PNPLA7: variants seen among roughly 807,000 people sequenced by gnomAD.
The protein encoded by PNPLA7 is patatin-like phospholipase domain-containing protein 7.
In PNPLA7, 153 loss-of-function variants were observed where a neutral mutation model predicts 161.7. That is an observed-to-expected ratio of 0.95 (90% CI 0.83 to 1.08). The LOEUF (loss-of-function observed/expected upper bound fraction) is 1.08. Ranked by LOEUF, PNPLA7 falls within the 50% of genes least tolerant of loss-of-function variation. PNPLA7 has a pLI of 0.00. For synonymous variants in PNPLA7, 809 were observed against 782.1 expected (o/e 1.03, Z -0.57); for missense variants, 1,739 against 1,856.6 (o/e 0.94, Z 1.16).
chr9:137,524,419 A>G lies in PNPLA7; in HGVS notation c.748-1562T>C, dbSNP rs1423594821. ...GCTGGCTGCCTCATGGAGGCCTTGC[A>G]GTGTCTCCTCGTGAAGGCCTCGCAG... On this transcript the variant is annotated intron_variant, in intron 8 of 34. Coordinates refer to ENST00000406427, the MANE Select transcript of PNPLA7 (RefSeq NM_001098537.3). The surrounding 1 kb of genome is among the most constrained non-coding windows in gnomAD (Gnocchi z 4.4). 6.6e-6 allele frequency among the ~76,000 whole-genome samples: 1 copy of G among 151,294 alleles called. No individual in the cohort carries two copies. The highest frequency in any genetic ancestry group is 1.5e-5 in the Non-Finnish European group (1 of 67,804).
intron 8 of PNPLA7, among the ~76,000 whole-genome samples, chr9:137,525,410 A>T (rs1337068179): frequency 2.6e-5 from 4 of 152,196 alleles, no homozygotes; most frequent in East Asian, 1.9e-4. Context: ...GCCTGGCTGC[A>T]CTGTTATTTA....
chr9:137,485,604 C>A (rs950793381), intron 20 of PNPLA7, among the ~76,000 whole-genome samples: 1 of 152,278 alleles, frequency 6.6e-6, no homozygotes, highest in Admixed American at 6.5e-5. Context: ...ACGGGCTAGA[C>A]ATCAATAGGC....
At chr9:137,508,673 G>A (rs1173139016) in intron 12 of PNPLA7, 4 of 151,984 alleles carry the variant, frequency 2.6e-5, no homozygotes, top group East Asian at 1.9e-4. Context: ...AAGGTAAAAC[G>A]TTAAATCTTA....
rs751406746 is a variant in PNPLA7, at chr9:137,480,514, G to A, written c.2412-34C>T. ...CGCAGAGGGAGTACCTCACTACTCCGCAGGGGCCTGGCACTCTTAGCACAT... is the reference window on the plus strand; with the variant it reads ...CGCAGAGGGAGTACCTCACTACTCCACAGGGGCCTGGCACTCTTAGCACAT... On this transcript the variant is annotated intron_variant, in intron 22 of 34. Transcript: ENST00000406427. 9 of 1,576,906 alleles carry A rather than the reference G, an allele frequency of 5.7e-6. No homozygotes were observed. In the South Asian group the frequency reaches 8.0e-5, roughly 14 times the overall value.
At position 137,484,632 on chromosome 9, in the gene PNPLA7, G is replaced by A. The variant is rs1182431287; in HGVS notation, c.2302C>T (p.Leu768Phe). 3 of 1,612,364 alleles carry A rather than the reference G, an allele frequency of 1.9e-6. No homozygotes were observed. In the African/African-American group the frequency reaches 4.0e-5, roughly 22 times the overall value. ...TCCAGCTCCAGGGCGAAGGCGGTGA[G>A]GGGCACTTCCTCTGACACGGGCATC... ...AVMPVSEEVP[L>F]TAFALELEHA... The change falls in exon 21 of 35, where the codon CTC becomes TTC. Residue 768 changes from leucine (L) to phenylalanine (F), a missense_variant. Leu to Phe is a conservative substitution (Grantham distance 22). Coordinates refer to ENST00000406427, the MANE Select transcript of PNPLA7 (RefSeq NM_001098537.3).
At chr9:137,513,817 T>C (rs1375869648) in intron 12 of PNPLA7, among the ~76,000 whole-genome samples, 1 of 152,048 alleles carries the variant, frequency 6.6e-6, no homozygotes, top group Non-Finnish European at 1.5e-5. Flanking sequence ...ACATAAAGAA[T>C]CAACACAAAT....
At chr9:137,464,038 C>T (rs372410045) in intron 28 of PNPLA7, 88 bp downstream of exon 28, 30 of 1,411,688 alleles carry the variant, frequency 2.1e-5, no homozygotes, top group South Asian at 1.6e-4. Flanking sequence ...GGAGACCCCG[C>T]GGCCTTCCCA....
chr9:137,482,932 G>T (rs1171010219), intron 21 of PNPLA7, among the ~76,000 whole-genome samples: 3 of 152,220 alleles, frequency 2.0e-5, no homozygotes, highest in Non-Finnish European at 4.4e-5. Context: ...GAGTGCAGTG[G>T]CACCATCTCA....
rs1361512164 is a variant in PNPLA7 at position 137,480,944 on chromosome 9, G to C, written c.2411+16C>G. 3 of 1,551,084 alleles carry C rather than the reference G, an allele frequency of 1.9e-6. No homozygotes were observed. Among genetic ancestry groups the C allele is most frequent in the Non-Finnish European group, 2.6e-6 (3 of 1,146,824 alleles). On this transcript the variant is annotated intron_variant, in intron 22 of 34. Transcript: ENST00000406427. Reference sequence around the variant, plus strand: ...GGGCCGGCTGGGAGGAAGGAGTCGGGGCTGGCGGCACGCACCTGTCCAGGG... The same window carrying C: ...GGGCCGGCTGGGAGGAAGGAGTCGGCGCTGGCGGCACGCACCTGTCCAGGG...
At chr9:137,497,335 A>G in intron 17 of PNPLA7, 25 bp from the exon 18 acceptor site, 1 of 1,511,090 alleles carries the variant, frequency 6.6e-7, no homozygotes, top group Non-Finnish European at 8.9e-7. Flanking sequence ...GAGGCCCTGC[A>G]GCCCTGGGCC....
chr9:137,463,868 A>G (rs1241680557), intron 28 of PNPLA7, among the ~76,000 whole-genome samples: 1 of 151,868 alleles, frequency 6.6e-6, no homozygotes, highest in African/African-American at 2.4e-5. Flanking sequence ...GTCCTCTCAC[A>G]TGGTATCCAT....
intron 25 of PNPLA7, among the ~76,000 whole-genome samples, chr9:137,471,554 C>T (rs28797612): frequency 2.2e-3 from 328 of 148,694 alleles, no homozygotes; most frequent in Admixed American, 2.1e-3. Flanking sequence ...GCCGAGATCG[C>T]GCCACTGCAC....
chr9:137,521,288 C>G (rs1834978259), intron 10 of PNPLA7, among the ~76,000 whole-genome samples: 1 of 152,196 alleles, frequency 6.6e-6, no homozygotes, highest in Admixed American at 6.5e-5. Context: ...TGAATGGGAG[C>G]TGCAGAGGCA....
chr9:137,515,484 G>T lies in PNPLA7; in HGVS notation c.1120C>A (p.Leu374Met). The change falls in exon 12 of 35, where the codon CTG (leucine) becomes ATG (methionine). Residue 374 changes from leucine to methionine, a missense_variant. Leu to Met is a conservative substitution (Grantham distance 15). Around this residue, in one of 6 missense-constraint regions of PNPLA7, gnomAD observed 481 missense variants for 450.0 expected, o/e 1.07. Transcript: ENST00000406427. ...GGGACGGAGTGGCTCCTCTTCAGCAGGGGCCCAGCAGCTGCCGGGCGGCCG... is the reference window on the plus strand; with the variant it reads ...GGGACGGAGTGGCTCCTCTTCAGCATGGGCCCAGCAGCTGCCGGGCGGCCG... ...GGGRPAAAGP[L>M]LKRSHSVPAP... 1 of 1,577,556 alleles carries T rather than the reference G, an allele frequency of 6.3e-7. No homozygotes were observed. The highest frequency in any genetic ancestry group is 8.6e-7 in the Non-Finnish European group (1 of 1,164,722).
chr9:137,504,330 G>C (rs1000097915), intron 14 of PNPLA7, among the ~76,000 whole-genome samples: 2 of 152,158 alleles, frequency 1.3e-5, no homozygotes, highest in African/African-American at 4.8e-5. Flanking sequence ...TCCTGCCTCA[G>C]CCTCCCAAGT....
At chr9:137,529,826 T>C (rs1835490299) in intron 8 of PNPLA7, among the ~76,000 whole-genome samples, 1 of 151,608 alleles carries the variant, frequency 6.6e-6, no homozygotes, top group African/African-American at 2.4e-5. Flanking sequence ...CTTGGCTAAA[T>C]TTTTGTATTT....
chr9:137,480,006 G>C (rs1339657462), intron 23 of PNPLA7: 2 of 748,044 alleles, frequency 2.7e-6, no homozygotes, highest in Non-Finnish European at 3.3e-6. Flanking sequence ...CACAAAATAG[G>C]GCACCGTTTA....
At chr9:137,504,143 GA>G (rs1441237184) in intron 14 of PNPLA7, among the ~76,000 whole-genome samples, 1 of 132,536 alleles carries the variant, frequency 7.5e-6, no homozygotes, top group Non-Finnish European at 1.6e-5. Context: ...GAAGAAAAAA[GA>G]AAGGAAGAAG....
intron 16 of PNPLA7, among the ~76,000 whole-genome samples, chr9:137,498,818 G>A (rs1281842357): frequency 2.0e-5 from 3 of 152,186 alleles, no homozygotes; most frequent in Non-Finnish European, 4.4e-5. Context: ...GGCGAGGTGG[G>A]ACGTGGGGCA....
Sources: gnomAD v4.1 joint callset for allele counts (sites outside exome capture counted in the v4.1 genomes callset) on GRCh38, gnomAD v4.1.1 for gene constraint, gnomAD v4.1.1 regional missense constraint, Gnocchi (gnomAD v3.1) non-coding constraint, MANE v1.5 for transcripts, NCBI Gene and HGNC (gene_info 2026-07-23, HGNC 2026-07-21) for gene names.